MYOM1: variants seen among roughly 807,000 people sequenced by gnomAD.
MYOM1 encodes myomesin 1.
In MYOM1, 164 loss-of-function variants were observed where a neutral mutation model predicts 205.3. The observed-to-expected ratio is 0.80, with a 90% CI of 0.70 to 0.91. The LOEUF is 0.91. Among genes scored for constraint, MYOM1 ranks in the 40% least tolerant of loss-of-function variants. MYOM1 has a pLI of 0.00. For synonymous variants in MYOM1, 772 were observed against 789.4 expected, an observed-to-expected ratio of 0.98 and a Z score of 0.37; for missense variants, 2,011 against 2,127.3, an observed-to-expected ratio of 0.95 and a Z score of 1.08.
chr18:3,123,928 T>C (rs2079737138), intron 19 of MYOM1, among the ~76,000 whole-genome samples: 1 of 151,280 alleles, frequency 6.6e-6, no homozygotes, highest in Admixed American at 6.6e-5. Flanking sequence ...TTCAAGTGAT[T>C]CTCATGCCTC....
intron 26 of MYOM1, 23 bp downstream of exon 26, chr18:3,094,147 A>G (rs1462595153): frequency 6.2e-7 from 1 of 1,610,508 alleles, no homozygotes; most frequent in Non-Finnish European, 8.5e-7. Context: ...TACATTAAAA[A>G]GTCTAAACAG....
chr18:3,108,743 G>A (rs2079484634), intron 22 of MYOM1, among the ~76,000 whole-genome samples: 1 of 152,086 alleles, frequency 6.6e-6, no homozygotes, highest in Admixed American at 6.6e-5. Flanking sequence ...GTTTCACCAT[G>A]TTGGCCAGGC....
In MYOM1 at chr18:3,067,556, C is replaced by A; in HGVS notation, c.4765-1G>T. The A allele has an allele frequency of 1.2e-6, 2 of 1,609,350 alleles. No individual in the cohort carries two copies. The highest frequency in any genetic ancestry group is 1.7e-6 in the Non-Finnish European group (2 of 1,176,446). On this transcript the variant is annotated splice_acceptor_variant, in intron 37 of 37. Transcript: ENST00000356443. LOFTEE classifies it high-confidence loss of function. Reference sequence around the variant, plus strand: ...ACACGTTGCAAGTGAGATTAAGGGCCTGCAAGACAGGTTTTATGGGAGAGA... The same window carrying A: ...ACACGTTGCAAGTGAGATTAAGGGCATGCAAGACAGGTTTTATGGGAGAGA...
At chr18:3,237,857 T>C in the MYOM1 span, among the ~76,000 whole-genome samples, 1 of 152,120 alleles carries the variant, frequency 6.6e-6, no homozygotes, top group East Asian at 1.9e-4. Context: ...CAAAGAGTTA[T>C]GGAGCTGGAT....
intron 8 of MYOM1, among the ~76,000 whole-genome samples, chr18:3,169,220 T>TAATGAGG (rs1189521997): frequency 6.6e-6 from 1 of 152,194 alleles, no homozygotes; most frequent in African/African-American, 2.4e-5. Context: ...TTTATTATTG[T>TAATGAGG]AATGAATAGA....
chr18:3,194,021 G>A (rs774266551), intron 2 of MYOM1, 63 bp from the exon 3 acceptor site: 111 of 1,532,136 alleles, frequency 7.2e-5, no homozygotes, highest in Non-Finnish European at 8.9e-5. Flanking sequence ...TTCAAAATAC[G>A]ATAGAGGAAG....
rs1334644105 is a variant in MYOM1, at chr18:3,104,571, T to C, written c.3419-1941A>G. ...CACAAAACAGAAAGAATACGAACAATTTAATCAGCCTCGCCATTCTCTAAA... is the reference window on the plus strand; with the variant it reads ...CACAAAACAGAAAGAATACGAACAACTTAATCAGCCTCGCCATTCTCTAAA... On this transcript the variant is annotated intron_variant, in intron 22 of 37. Coordinates refer to ENST00000356443, the MANE Select transcript of MYOM1 (RefSeq NM_003803.4). 3.3e-5 allele frequency among the ~76,000 whole-genome samples: 5 copies of C among 152,098 alleles called. No homozygotes were observed. In the East Asian group the frequency reaches 5.8e-4, roughly 18 times the overall value.
chr18:3,071,901 G>C lies in MYOM1; in HGVS notation c.4709-12C>G, dbSNP rs1203297793. On this transcript the variant is annotated splice_polypyrimidine_tract_variant and intron_variant, in intron 36 of 37. Transcript: ENST00000356443. ...CACCCGGGCACGATCTGCAAGCATA[G>C]GCATTTTGGGTTAATCACTGCAGTG... is the stretch of plus-strand genomic sequence containing the variant. 2 of 1,600,448 alleles carry C rather than the reference G, an allele frequency of 1.2e-6. No individual in the cohort carries two copies. The highest frequency in any genetic ancestry group is 2.3e-5 in the South Asian group (2 of 88,262).
At chr18:3,175,596 GT>G (rs1182886545) in intron 6 of MYOM1, among the ~76,000 whole-genome samples, 1 of 152,122 alleles carries the variant, frequency 6.6e-6, no homozygotes, top group African/African-American at 2.4e-5. Context: ...TTATCTCCAA[GT>G]TTAGCCCACA....
At chr18:3,199,678 A>G (rs2081040964) in intron 2 of MYOM1, among the ~76,000 whole-genome samples, 1 of 152,180 alleles carries the variant, frequency 6.6e-6, no homozygotes, top group Non-Finnish European at 1.5e-5. Context: ...TGTCTCTACT[A>G]AAAATACAAA....
chr18:3,187,709 A>G (rs2080838919), intron 4 of MYOM1, 72 bp from the exon 5 acceptor site: 1 of 1,414,972 alleles, frequency 7.1e-7, no homozygotes. Flanking sequence ...TGGTGCTAAA[A>G]TAACAAGTAG....
intron 37 of MYOM1, among the ~76,000 whole-genome samples, chr18:3,071,265 T>C (rs1403405823): frequency 6.6e-6 from 1 of 152,182 alleles, no homozygotes; most frequent in African/African-American, 2.4e-5. Context: ...TTTTAAAGGG[T>C]GACTCTTCAA....
At chr18:3,197,997 T>C (rs2081015479) in intron 2 of MYOM1, among the ~76,000 whole-genome samples, 1 of 152,208 alleles carries the variant, frequency 6.6e-6, no homozygotes, top group Non-Finnish European at 1.5e-5. Context: ...ATGACTTTGA[T>C]GTTGATTTGC....
At chr18:3,197,406 G>A (rs1299199079) in intron 2 of MYOM1, among the ~76,000 whole-genome samples, 1 of 151,766 alleles carries the variant, frequency 6.6e-6, no homozygotes, top group Non-Finnish European at 1.5e-5. Context: ...CCAAAGTGCT[G>A]GGATCTCCAA....
In MYOM1 at chr18:3,156,636, T is replaced by C. The variant is rs111899931; in HGVS notation, c.1502-1548A>G. 8.3e-3 allele frequency among the ~76,000 whole-genome samples: 1,264 copies of C among 151,498 alleles called. 13 individuals are homozygous for C. Among genetic ancestry groups the C allele is most frequent in the African/African-American group, 0.026 (1,090 of 41,220 alleles). ...TTTTTTTTTTTTTGAGACAGAGTCT[T>C]GCTCTGTCACCCAGGCTGGAGGGCA... On this transcript the variant is annotated intron_variant, in intron 10 of 37. Coordinates refer to ENST00000356443, the MANE Select transcript of MYOM1 (RefSeq NM_003803.4).
intron 2 of MYOM1, among the ~76,000 whole-genome samples, chr18:3,194,498 C>T (rs1198672736): frequency 3.3e-5 from 5 of 152,244 alleles, no homozygotes; most frequent in Non-Finnish European, 2.9e-5. Context: ...CACACGATGC[C>T]GATTGACTCA....
chr18:3,142,163 A>G, intron 13 of MYOM1, 100 bp from the exon 14 acceptor site: 1 of 1,373,028 alleles, frequency 7.3e-7, no homozygotes, highest in Non-Finnish European at 9.9e-7. Context: ...AGAGTTAATT[A>G]TGTCTCCACA....
At chr18:3,127,305 A>ATATATATATTTT (rs56880961) in intron 18 of MYOM1, among the ~76,000 whole-genome samples, 2 of 47,570 alleles carry the variant, frequency 4.2e-5, no homozygotes, top group African/African-American at 9.2e-5. Flanking sequence ...ATATATATAT[A>ATATATATATTTT]TTTTTTTTTT....
chr18:3,092,796 C>T (rs1009562373), intron 26 of MYOM1, among the ~76,000 whole-genome samples: 16 of 152,174 alleles, frequency 1.1e-4, no homozygotes. Flanking sequence ...ATCCTGCTCC[C>T]CAACAATAAA....
Sources: allele counts gnomAD v4.1 joint callset (sites outside exome capture counted in the v4.1 genomes callset), GRCh38; gene constraint gnomAD v4.1.1; transcripts MANE v1.5; gene names NCBI Gene and HGNC (gene_info 2026-07-23, HGNC 2026-07-21).